Variants in SYT12 observed in about 807,000 individuals in gnomAD.
The protein encoded by SYT12 is synaptotagmin-12.
A neutral mutation model predicts 39.5 loss-of-function variants in SYT12; 27 were observed. The ratio of observed to expected loss-of-function variants is 0.68; its 90% confidence interval spans 0.50 to 0.94. The LOEUF (loss-of-function observed/expected upper bound fraction) is 0.94. Ranked by LOEUF, SYT12 falls within the 40% of genes least tolerant of loss-of-function variation. SYT12 has a pLI of 0.00. For missense variants in SYT12, 536 were observed against 572.6 expected (o/e 0.94, Z 0.65); for synonymous variants, 233 against 239.7 (o/e 0.97, Z 0.26).
At chr11:67,047,477 A>G (rs1327418816) in intron 7 of SYT12, among the ~76,000 whole-genome samples, 1 of 149,156 alleles carries the variant, frequency 6.7e-6, no homozygotes, top group African/African-American at 2.5e-5. Flanking sequence ...CATGTTGGCC[A>G]GGCTGGTCTC....
At chr11:67,016,742 G>C (rs1048619384) in intron 3 of SYT12, among the ~76,000 whole-genome samples, 4 of 152,078 alleles carry the variant, frequency 2.6e-5, no homozygotes, top group African/African-American at 7.2e-5. Context: ...AGCTATGCTC[G>C]TGCCCATGCA....
At chr11:67,039,432 T>C (rs1950454541) in intron 3 of SYT12, among the ~76,000 whole-genome samples, 1 of 151,994 alleles carries the variant, frequency 6.6e-6, no homozygotes, top group African/African-American at 2.4e-5. Flanking sequence ...CTGACCAACA[T>C]GGAGAAACCC....
At chr11:67,034,543 C>T (rs1950322990) in intron 2 of SYT12, 102 bp from the exon 3 acceptor site, 11 of 997,134 alleles carry the variant, frequency 1.1e-5, no homozygotes, top group Admixed American at 9.9e-5. Context: ...ACATAGTAGG[C>T]ATTCAATAAA....
intron 7 of SYT12, among the ~76,000 whole-genome samples, chr11:67,048,363 G>C (rs893652572): frequency 6.6e-6 from 1 of 151,900 alleles, no homozygotes; most frequent in Admixed American, 6.5e-5. Context: ...GGCAGCAAGA[G>C]AAACCTGAGG....
At chr11:67,030,322 G>T (rs1950241738) in intron 2 of SYT12, 144 bp downstream of exon 2, 2 of 934,904 alleles carry the variant, frequency 2.1e-6, no homozygotes, top group Non-Finnish European at 3.2e-6. Context: ...ACTTGCCCAA[G>T]GTCAGACAGC....
At chr11:67,021,798 G>T (rs796508976), upstream of SYT12, 3 of 152,172 alleles carry the variant, frequency 2.0e-5, no homozygotes, top group South Asian at 4.1e-4. Flanking sequence ...GGAAATGGCA[G>T]TGAAAGCTCA....
At chr11:67,016,085 A>G (rs1950056522) in intron 3 of SYT12, among the ~76,000 whole-genome samples, 1 of 152,158 alleles carries the variant, frequency 6.6e-6, no homozygotes, top group African/African-American at 2.4e-5. Context: ...GTTCGAGACC[A>G]GCCTGACCAA....
chr11:67,017,734 T>C (rs1324824619), intron 3 of SYT12, among the ~76,000 whole-genome samples: 2 of 149,912 alleles, frequency 1.3e-5, no homozygotes. Context: ...CCAAGACGGG[T>C]GGATCACCTG....
chr11:67,037,640 T>A (rs1436079457), intron 3 of SYT12, among the ~76,000 whole-genome samples: 1 of 151,908 alleles, frequency 6.6e-6, no homozygotes, highest in Non-Finnish European at 1.5e-5. Flanking sequence ...CTCAGCACTT[T>A]GGGAAGCTGA....
intron 3 of SYT12, among the ~76,000 whole-genome samples, chr11:67,011,837 C>G (rs1047536425): frequency 2.6e-5 from 4 of 152,050 alleles, no homozygotes; most frequent in African/African-American, 9.6e-5. Flanking sequence ...ACAATCTCGG[C>G]TCACTGCAAC....
At chr11:67,048,194 C>G (rs1033978146) in intron 7 of SYT12, among the ~76,000 whole-genome samples, 2 of 150,578 alleles carry the variant, frequency 1.3e-5, no homozygotes, top group African/African-American at 4.9e-5. Flanking sequence ...TTGCTTGAAC[C>G]TGGGAGGCGG....
At chr11:67,025,541 C>G (rs1462653013) in intron 1 of SYT12, among the ~76,000 whole-genome samples, 1 of 152,080 alleles carries the variant, frequency 6.6e-6, no homozygotes, top group Non-Finnish European at 1.5e-5. Context: ...TGCCCTGGTC[C>G]CACTGTACCT....
At chr11:67,035,608 C>T (rs974327155) in intron 3 of SYT12, among the ~76,000 whole-genome samples, 55 of 151,208 alleles carry the variant, frequency 3.6e-4, no homozygotes, top group Non-Finnish European at 1.0e-4. Context: ...CAGGCACCCG[C>T]CACCATGCCC....
At chr11:67,048,213 G>A (rs958631150) in intron 7 of SYT12, among the ~76,000 whole-genome samples, 4 of 150,906 alleles carry the variant, frequency 2.7e-5, no homozygotes, top group African/African-American at 9.7e-5. Context: ...GGAGGTTGCA[G>A]TGAGCTGAGA....
intron 3 of SYT12, among the ~76,000 whole-genome samples, chr11:67,038,206 G>A (rs570986079): frequency 2.7e-5 from 4 of 150,740 alleles, no homozygotes; most frequent in African/African-American, 9.8e-5. Context: ...TCACCCTGTC[G>A]CCCAGTCTGG....
At chr11:67,019,704 C>T (rs1161149686), upstream of SYT12, among the ~76,000 whole-genome samples, 1 of 152,020 alleles carries the variant, frequency 6.6e-6, no homozygotes, top group Non-Finnish European at 1.5e-5. Flanking sequence ...TCATGACCAA[C>T]CTGGGCAACG....
chr11:67,044,496 G>T (rs1590653962), intron 5 of SYT12, 97 bp from the exon 6 acceptor site: 1 of 1,514,856 alleles, frequency 6.6e-7, no homozygotes, highest in East Asian at 2.3e-5. Flanking sequence ...TCTCTATGGA[G>T]AAGGAAGCCC....
chr11:67,025,287 G>A (rs1431769831), intron 1 of SYT12, among the ~76,000 whole-genome samples: 2 of 152,240 alleles, frequency 1.3e-5, no homozygotes, highest in Non-Finnish European at 2.9e-5. Flanking sequence ...GTAGCAGTAA[G>A]GAGATATTGC....
At chr11:67,042,813 C>T (rs965424623) in intron 4 of SYT12, among the ~76,000 whole-genome samples, 1 of 152,128 alleles carries the variant, frequency 6.6e-6, no homozygotes, top group South Asian at 2.1e-4. Flanking sequence ...GGAACGTGAG[C>T]ACTGTGCGAG....
Sources: gnomAD v4.1 joint callset for allele counts (sites outside exome capture counted in the v4.1 genomes callset) on GRCh38, gnomAD v4.1.1 for gene constraint, MANE v1.5 for transcripts, NCBI Gene and HGNC (gene_info 2026-07-23, HGNC 2026-07-21) for gene names.